EEFSEC: variants seen among roughly 807,000 people sequenced by gnomAD.
The protein encoded by EEFSEC is eukaryotic elongation factor, selenocysteine-tRNA specific, also known as selenocysteine-specific elongation factor.
In EEFSEC, 43 loss-of-function variants were observed where a neutral mutation model predicts 42.1. The ratio of observed to expected loss-of-function variants is 1.02; its 90% CI spans 0.80 to 1.32. The LOEUF (loss-of-function observed/expected upper bound fraction) is 1.32. Ranked by LOEUF, EEFSEC falls within the 40% of genes most tolerant of loss-of-function variation. The pLI, the probability that EEFSEC is intolerant of heterozygous loss-of-function variation, is 0.00. For missense variants in EEFSEC, 745 were observed against 803.6 expected, an observed-to-expected ratio of 0.93 and a Z score of 0.88; for synonymous variants, 354 against 339.1, an observed-to-expected ratio of 1.04 and a Z score of -0.48.
intron 1 of EEFSEC, among the ~76,000 whole-genome samples, chr3:128,240,180 A>G (rs774776095): frequency 3.9e-5 from 6 of 151,940 alleles, no homozygotes; most frequent in Non-Finnish European, 4.4e-5. Context: ...GGCTTTGTCC[A>G]CTTGTGTTTG....
At chr3:128,285,697 A>G (rs2066577287) in intron 4 of EEFSEC, among the ~76,000 whole-genome samples, 1 of 151,954 alleles carries the variant, frequency 6.6e-6, no homozygotes, top group South Asian at 2.1e-4. Flanking sequence ...ATGGACACCA[A>G]CCCAGCTCCC....
At chr3:128,184,900 A>T (rs2065449155) in intron 1 of EEFSEC, among the ~76,000 whole-genome samples, 1 of 152,178 alleles carries the variant, frequency 6.6e-6, no homozygotes, top group Admixed American at 6.5e-5. Flanking sequence ...GCATGGCATG[A>T]TGGCTCATGG....
intron 1 of EEFSEC, among the ~76,000 whole-genome samples, chr3:128,207,899 T>C (rs2065715641): frequency 6.6e-6 from 1 of 152,184 alleles, no homozygotes; most frequent in African/African-American, 2.4e-5. Flanking sequence ...TGGTCTGACT[T>C]CAGGGCTTAT....
At chr3:128,181,661 C>T (rs2065407126) in intron 1 of EEFSEC, among the ~76,000 whole-genome samples, 1 of 152,196 alleles carries the variant, frequency 6.6e-6, no homozygotes, top group African/African-American at 2.4e-5. Flanking sequence ...ATGCACAGCC[C>T]ACCTGGGCTG....
chr3:128,324,178 G>A (rs1465422330), intron 4 of EEFSEC, among the ~76,000 whole-genome samples: 1 of 152,060 alleles, frequency 6.6e-6, no homozygotes, highest in Non-Finnish European at 1.5e-5. Flanking sequence ...CAGCAGTTGA[G>A]TTTTCTACAG....
At chr3:128,285,317 G>C (rs2066572023) in intron 4 of EEFSEC, among the ~76,000 whole-genome samples, 1 of 152,152 alleles carries the variant, frequency 6.6e-6, no homozygotes, top group East Asian at 1.9e-4. Flanking sequence ...TGGGAGGCAT[G>C]GGGTGGAAAG....
intron 1 of EEFSEC, among the ~76,000 whole-genome samples, chr3:128,239,663 T>C (rs1355956811): frequency 6.6e-6 from 1 of 152,204 alleles, no homozygotes; most frequent in Non-Finnish European, 1.5e-5. Context: ...CTGGGCTGTC[T>C]CCTCTACAGG....
At chr3:128,364,066 G>A (rs1250800681) in intron 6 of EEFSEC, among the ~76,000 whole-genome samples, 1 of 152,160 alleles carries the variant, frequency 6.6e-6, no homozygotes, top group Non-Finnish European at 1.5e-5. Flanking sequence ...GGGAGGCCGA[G>A]GCAAGAGAAT....
At chr3:128,272,807 G>T (rs538840922) in intron 4 of EEFSEC, among the ~76,000 whole-genome samples, 1 of 152,182 alleles carries the variant, frequency 6.6e-6, no homozygotes, top group Non-Finnish European at 1.5e-5. Context: ...AAGGGACAAG[G>T]TGGGAGGGAT....
intron 3 of EEFSEC, among the ~76,000 whole-genome samples, chr3:128,263,375 A>G (rs2066318987): frequency 6.6e-6 from 1 of 152,216 alleles, no homozygotes; most frequent in Admixed American, 6.5e-5. Context: ...CCAAGATGAG[A>G]TGTGACCACG....
At chr3:128,417,219 A>C in the EEFSEC span, among the ~76,000 whole-genome samples, 1 of 150,476 alleles carries the variant, frequency 6.6e-6, no homozygotes, top group African/African-American at 2.5e-5. The surrounding 1 kb of genome is among the most constrained non-coding windows in gnomAD (Gnocchi z 4.3). Context: ...TCTGTTGTAA[A>C]CCCTCTCGCC....
intron 4 of EEFSEC, among the ~76,000 whole-genome samples, chr3:128,267,984 A>G (rs576272049): frequency 1.3e-5 from 2 of 152,368 alleles, no homozygotes; most frequent in African/African-American, 4.8e-5. Context: ...TACAGACAAG[A>G]AACAGGCTGA....
rs2067419483 is a variant in EEFSEC, at chr3:128,353,900, A to T, written c.1444-4317A>T. ...CCTCACCCATGACATGGCTGAGGAC[A>T]CTGCCGCTCACCTGCTGCTGGGAAA... On this transcript the variant is annotated intron_variant, in intron 5 of 6. Coordinates refer to ENST00000254730, the MANE Select transcript of EEFSEC (RefSeq NM_021937.5). Among the ~76,000 whole-genome samples, 4 of 152,210 alleles carry T rather than the reference A, an allele frequency of 2.6e-5. No homozygotes were observed. In the South Asian group the frequency reaches 8.3e-4, roughly 32 times the overall value.
At chr3:128,411,152 G>A (rs1252445802), downstream of EEFSEC, among the ~76,000 whole-genome samples, 2 of 152,230 alleles carry the variant, frequency 1.3e-5, no homozygotes, top group Admixed American at 6.5e-5. Flanking sequence ...CGGGACGGTG[G>A]GCAGGAGCTG....
In EEFSEC at chr3:128,153,490, C is replaced by T. The variant is rs548696448; in HGVS notation, c.-18C>T. ...GTGAGGGGCGGGCCGGGCGGGTGTCCGAGGCGGCGGCGGCGGCATGGCAGG... is the reference window on the plus strand; with the variant it reads ...GTGAGGGGCGGGCCGGGCGGGTGTCTGAGGCGGCGGCGGCGGCATGGCAGG... On this transcript the variant is annotated 5_prime_UTR_variant, in exon 1 of 7. Coordinates refer to ENST00000254730, the MANE Select transcript of EEFSEC (RefSeq NM_021937.5). 1.3e-5 allele frequency: 19 copies of T among 1,477,934 alleles called. No individual in the cohort carries two copies. Among genetic ancestry groups the T allele is most frequent in the African/African-American group, 4.4e-5 (3 of 67,938 alleles). The allele number at this position is 1,477,934 out of a possible 1,614,324, so 91.6% of individuals were successfully genotyped here. A position where few individuals can be genotyped will look rare whatever the true frequency, so the allele number is the denominator to read the frequency against.
chr3:128,219,787 GAAAA>G (rs546450832), intron 1 of EEFSEC, among the ~76,000 whole-genome samples: 1 of 149,576 alleles, frequency 6.7e-6, no homozygotes, highest in East Asian at 2.0e-4. Flanking sequence ...AAAAAAAAAA[GAAAA>G]AAACTCTTGG....
chr3:128,276,990 G>T (rs545590042), intron 4 of EEFSEC, among the ~76,000 whole-genome samples: 35 of 152,328 alleles, frequency 2.3e-4, no homozygotes, highest in African/African-American at 7.5e-4. Flanking sequence ...AAGTACTGGG[G>T]AGCCTGGCCT....
chr3:128,267,353 A>C (rs1242008258), intron 4 of EEFSEC, among the ~76,000 whole-genome samples: 1 of 152,212 alleles, frequency 6.6e-6, no homozygotes, highest in African/African-American at 2.4e-5. Flanking sequence ...GGTGCTTGGC[A>C]GATACAAATT....
At chr3:128,361,696 A>G (rs1245450508) in intron 6 of EEFSEC, among the ~76,000 whole-genome samples, 2 of 152,226 alleles carry the variant, frequency 1.3e-5, no homozygotes, top group East Asian at 3.8e-4. Flanking sequence ...GAGCCTTCCC[A>G]GAGAGTCTTG....
Sources: allele counts gnomAD v4.1 joint callset (sites outside exome capture counted in the v4.1 genomes callset), GRCh38; gene constraint gnomAD v4.1.1; non-coding constraint Gnocchi (gnomAD v3.1); transcripts MANE v1.5; gene names NCBI Gene and HGNC (gene_info 2026-07-23, HGNC 2026-07-21).